KIT: variants seen among roughly 807,000 people sequenced by gnomAD.
KIT encodes the protein KIT proto-oncogene, receptor tyrosine kinase, also known as mast/stem cell growth factor receptor Kit.
Under a neutral mutation model 105.7 loss-of-function variants are expected in KIT, and 16 were observed. The observed-to-expected ratio is 0.15, with a 90% CI of 0.10 to 0.23. The LOEUF is 0.23. KIT is among the 10% of genes least tolerant of loss of function. The probability of loss-of-function intolerance (pLI) is 1.00; values close to 1 mark genes in which losing one functional copy is unlikely to be tolerated. For synonymous variants in KIT, 438 were observed against 441.1 expected (o/e 0.99, Z 0.09); for missense variants, 858 against 1,213.8 (o/e 0.71, Z 4.36).
Position 54,682,091 on chromosome 4 carries a change from T to TTTC in KIT, c.68-13419_68-13418insCTT, listed in dbSNP as rs370182866. Among the ~76,000 whole-genome samples, 934 of 108,328 alleles carry TTTC rather than the reference T, an allele frequency of 8.6e-3. 15 individuals are homozygous for TTTC. Among genetic ancestry groups the TTTC allele is most frequent in the African/African-American group, 0.05 (899 of 18,102 alleles). 71.1% of individuals were successfully genotyped at this position (108,328 alleles called of 152,430 possible). On this transcript the variant is annotated intron_variant, in intron 1 of 20. Transcript: ENST00000288135. ...TTCTATGTACAAGAACTGAATTTTC[T>TTTC]TTTTTTTTTTTTTTTTGAGACTGGA... is the stretch of plus-strand genomic sequence containing the variant.
intron 17 of KIT, 135 bp from the exon 18 acceptor site, chr4:54,736,363 A>G (rs1722924324): frequency 2.7e-6 from 2 of 735,280 alleles, no homozygotes; most frequent in South Asian, 2.9e-5. Flanking sequence ...TCATATAGGT[A>G]AAAGGTTTTT....
At chr4:54,722,130 C>T (rs953889981) in intron 7 of KIT, among the ~76,000 whole-genome samples, 2 of 151,972 alleles carry the variant, frequency 1.3e-5, no homozygotes, top group Non-Finnish European at 1.5e-5. Context: ...GGACTACAGG[C>T]GCATGTCACT....
At chr4:54,725,331 C>T (rs1722148221) in intron 8 of KIT, among the ~76,000 whole-genome samples, 1 of 152,262 alleles carries the variant, frequency 6.6e-6, no homozygotes, top group African/African-American at 2.4e-5. Context: ...TCTTGAACTC[C>T]TGACCTCAGG....
chr4:54,739,483 A>G lies in KIT; in HGVS notation c.*926A>G. On this transcript the variant is annotated 3_prime_UTR_variant, in exon 21 of 21. Coordinates refer to ENST00000288135, the MANE Select transcript of KIT (RefSeq NM_000222.3). Reference sequence around the variant, plus strand: ...GTGGAACAAGCCTATCAGCTTCAGAATGGCATTGTACTCAATGGATTTGAT... The same window carrying G: ...GTGGAACAAGCCTATCAGCTTCAGAGTGGCATTGTACTCAATGGATTTGAT... 4.3e-6 allele frequency: 1 copy of G among 233,472 alleles called. No homozygotes were observed. Among genetic ancestry groups the G allele is most frequent in the East Asian group, 6.0e-5 (1 of 16,556 alleles). The allele number at this position is 233,472 out of a possible 1,614,324, so 14.5% of individuals were successfully genotyped here. A position where few individuals can be genotyped will look rare whatever the true frequency, so the allele number is the denominator to read the frequency against.
intron 14 of KIT, among the ~76,000 whole-genome samples, chr4:54,730,455 A>C (rs1722516015): frequency 6.6e-6 from 1 of 152,126 alleles, no homozygotes; most frequent in South Asian, 2.1e-4. Flanking sequence ...TAAAGTTTAA[A>C]ACCCCAGGTG....
intron 1 of KIT, among the ~76,000 whole-genome samples, chr4:54,681,963 A>G (rs1482655251): frequency 6.6e-6 from 1 of 151,912 alleles, no homozygotes; most frequent in Admixed American, 6.6e-5. Context: ...GGAAAGCGAG[A>G]CTCCATCTCA....
intron 6 of KIT, among the ~76,000 whole-genome samples, 162 bp downstream of exon 6, chr4:54,707,449 G>A (rs1029859068): frequency 1.3e-5 from 2 of 152,062 alleles, no homozygotes; most frequent in Non-Finnish European, 2.9e-5. Flanking sequence ...CCATTTTGTT[G>A]TGTGTTTAGA....
At chr4:54,667,589 A>G (rs1213518206) in intron 1 of KIT, among the ~76,000 whole-genome samples, 2 of 152,218 alleles carry the variant, frequency 1.3e-5, no homozygotes, top group East Asian at 3.9e-4. Flanking sequence ...TGTGAAGAGG[A>G]AAAGCAAAGG....
intron 7 of KIT, among the ~76,000 whole-genome samples, chr4:54,717,628 T>G (rs1721590574): frequency 6.6e-6 from 1 of 152,204 alleles, no homozygotes. Flanking sequence ...GATTTTCTTT[T>G]CAGTTGAGCC....
intron 1 of KIT, among the ~76,000 whole-genome samples, chr4:54,672,069 A>G: frequency 6.6e-6 from 1 of 152,188 alleles, no homozygotes; most frequent in Admixed American, 6.5e-5. Flanking sequence ...GATACATAAA[A>G]ATATAAACAA....
At chr4:54,667,580 G>A (rs1217549269) in intron 1 of KIT, among the ~76,000 whole-genome samples, 1 of 152,192 alleles carries the variant, frequency 6.6e-6, no homozygotes, top group African/African-American at 2.4e-5. Flanking sequence ...TGGTCAAGAT[G>A]TGAAGAGGAA....
intron 14 of KIT, among the ~76,000 whole-genome samples, chr4:54,730,426 C>T (rs186208013): frequency 8.9e-4 from 136 of 152,182 alleles, no homozygotes; most frequent in Non-Finnish European, 1.6e-3. Context: ...CCCTTAAAGC[C>T]ATTTTCTGTA....
rs756456973 is a variant in KIT at position 54,695,599 on chromosome 4, A to G, written c.155A>G (p.Asp52Gly). 6.2e-7 allele frequency: 1 copy of G among 1,614,166 alleles called. No homozygotes were observed. Among genetic ancestry groups the G allele is most frequent in the South Asian group, 1.1e-5 (1 of 91,082 alleles). Residue 52 changes from aspartate to glycine, a missense_variant, in exon 2 of 21, where the codon GAC becomes GGC. This residue lies in a region of KIT where 401 missense variants were observed against 601.0 expected (regional missense o/e 0.67). Coordinates refer to ENST00000288135, the MANE Select transcript of KIT (RefSeq NM_000222.3). ...TCAGACTTAATAGTCCGCGTGGGCG[A>G]CGAGATTAGGCTGTTATGCACTGAT... is the stretch of plus-strand genomic sequence containing the variant. ...GKSDLIVRVGDEIRLLCTDPG... is the reference protein window; with the variant it reads ...GKSDLIVRVGGEIRLLCTDPG...
At chr4:54,717,081 T>C (rs907900741) in intron 7 of KIT, among the ~76,000 whole-genome samples, 3 of 152,224 alleles carry the variant, frequency 2.0e-5, no homozygotes, top group African/African-American at 4.8e-5. Context: ...TGTTCTCAAA[T>C]TGCTTGGGAA....
At chr4:54,734,543 TGGC>T (rs1392949282) in intron 17 of KIT, among the ~76,000 whole-genome samples, 1 of 152,196 alleles carries the variant, frequency 6.6e-6, no homozygotes, top group East Asian at 1.9e-4. Flanking sequence ...AAAGAGGGGT[TGGC>T]TCTATCAGGC....
At chr4:54,732,260 A>G (rs1722658223) in intron 16 of KIT, among the ~76,000 whole-genome samples, 1 of 152,028 alleles carries the variant, frequency 6.6e-6, no homozygotes, top group Non-Finnish European at 1.5e-5. Context: ...TTTTATATGC[A>G]GTGAAATTCT....
At chr4:54,731,448 A>G (rs1488179239) in intron 15 of KIT, 29 bp downstream of exon 15, 2 of 1,425,266 alleles carry the variant, frequency 1.4e-6, no homozygotes, top group Non-Finnish European at 2.0e-6. Flanking sequence ...AGCAACCAAG[A>G]GTAACTTTAC....
chr4:54,663,878 G>A (rs561336305), intron 1 of KIT, among the ~76,000 whole-genome samples: 1 of 152,258 alleles, frequency 6.6e-6, no homozygotes, highest in East Asian at 1.9e-4. Flanking sequence ...ACTAAGCTTT[G>A]AACATAAATG....
chr4:54,691,148 G>A (rs1018688195), intron 1 of KIT, among the ~76,000 whole-genome samples: 1 of 152,146 alleles, frequency 6.6e-6, no homozygotes, highest in Non-Finnish European at 1.5e-5. Flanking sequence ...GGATAGATCT[G>A]TAGACTGTTG....
Sources: gnomAD v4.1 joint callset for allele counts (sites outside exome capture counted in the v4.1 genomes callset) on GRCh38, gnomAD v4.1.1 for gene constraint, gnomAD v4.1.1 regional missense constraint, MANE v1.5 for transcripts, NCBI Gene and HGNC (gene_info 2026-07-23, HGNC 2026-07-21) for gene names.